The following CDYL variants were observed in gnomAD, a reference collection of about 807,000 sequenced individuals.
The protein encoded by CDYL is chromodomain Y-like protein.
Under a neutral mutation model 47.3 loss-of-function variants are expected in CDYL, and 8 were observed. The observed-to-expected ratio is 0.17, with a 90% CI of 0.10 to 0.31. The LOEUF (loss-of-function observed/expected upper bound fraction) is 0.31, where lower values mean the gene tolerates loss of function less well. CDYL is among the 10% of genes least tolerant of loss of function. The probability of loss-of-function intolerance (pLI) is 1.00; values close to 1 mark genes in which losing one functional copy is unlikely to be tolerated. For missense variants in CDYL, 471 were observed against 701.4 expected, an observed-to-expected ratio of 0.67 and a Z score of 3.71; for synonymous variants, 266 against 265.0, an observed-to-expected ratio of 1.00 and a Z score of -0.04.
rs112401463 is a variant in CDYL at position 4,844,079 on chromosome 6, G to A, written c.25-47634G>A. On this transcript the variant is annotated intron_variant, in intron 1 of 6. Transcript: ENST00000397588. ...GATGTGGCTTTCTGAGAGCCAAACCGTGGTGATTGTTTTTTCTCTTCCGGA... is the reference window on the plus strand; with the variant it reads ...GATGTGGCTTTCTGAGAGCCAAACCATGGTGATTGTTTTTTCTCTTCCGGA... Among the ~76,000 whole-genome samples the A allele has an allele frequency of 9.8e-3, 1,485 of 152,220 alleles. 28 individuals are homozygous for A. The highest frequency in any genetic ancestry group is 0.033 in the African/African-American group (1,391 of 41,532).
intron 5 of CDYL, among the ~76,000 whole-genome samples, chr6:4,948,013 C>A (rs1758583056): frequency 6.6e-6 from 1 of 152,176 alleles, no homozygotes; most frequent in South Asian, 2.1e-4. Flanking sequence ...ACTGCACGCA[C>A]CTGACACCAC....
chr6:4,854,818 T>C (rs1561671725), intron 1 of CDYL, among the ~76,000 whole-genome samples: 1 of 152,088 alleles, frequency 6.6e-6, no homozygotes, highest in Admixed American at 6.5e-5. Flanking sequence ...ACACACCGAT[T>C]TAGGTTTGGC....
intron 1 of CDYL, among the ~76,000 whole-genome samples, chr6:4,836,463 G>A (rs998920979): frequency 8.6e-5 from 13 of 151,908 alleles, no homozygotes; most frequent in African/African-American, 1.7e-4. Context: ...TTGAGACTTC[G>A]GCTTTCCTTC....
At chr6:4,832,149 G>C (rs1448690584) in intron 1 of CDYL, among the ~76,000 whole-genome samples, 6 of 152,030 alleles carry the variant, frequency 3.9e-5, no homozygotes, top group African/African-American at 9.7e-5. Flanking sequence ...TCCCTGTCTT[G>C]TGCCAGTTTT....
At chr6:4,905,679 C>T (rs1055290020) in intron 2 of CDYL, among the ~76,000 whole-genome samples, 8 of 152,252 alleles carry the variant, frequency 5.3e-5, no homozygotes, top group Non-Finnish European at 1.2e-4. Context: ...CACTCGCCCC[C>T]AGCACTGGCT....
chr6:4,877,523 G>A (rs956399615), intron 1 of CDYL, among the ~76,000 whole-genome samples: 1 of 152,068 alleles, frequency 6.6e-6, no homozygotes, highest in Non-Finnish European at 1.5e-5. Flanking sequence ...GTAGTTTGTG[G>A]TTCACTTGGT....
chr6:4,848,573 C>T (rs1040678504), intron 1 of CDYL, among the ~76,000 whole-genome samples: 2 of 152,214 alleles, frequency 1.3e-5, no homozygotes, highest in East Asian at 1.9e-4. Flanking sequence ...AGAGAGTCTG[C>T]ACTGCATCAC....
chr6:4,825,891 C>G (rs1759969211), intron 1 of CDYL, among the ~76,000 whole-genome samples: 1 of 151,324 alleles, frequency 6.6e-6, no homozygotes, highest in African/African-American at 2.4e-5. Flanking sequence ...ACACATCTTC[C>G]TAGCTGAGAC....
At chr6:4,773,055 G>A (rs6927577), upstream of CDYL, 80,075 of 449,344 alleles carry the variant, frequency 0.18, 10,164 homozygotes, top group African/African-American at 0.46. This position sits in a 1 kb window ranked among gnomAD's most constrained non-coding sequence, Gnocchi z 4.6. Flanking sequence ...GAGATGGGAA[G>A]AGGCTGTGAT....
At chr6:4,871,691 TTTA>T (rs1269206706) in intron 1 of CDYL, among the ~76,000 whole-genome samples, 2 of 152,084 alleles carry the variant, frequency 1.3e-5, no homozygotes. Context: ...TTTTGTAAAA[TTTA>T]TATTTGGCCG....
chr6:4,952,186 C>A (rs527501763), intron 5 of CDYL, 80 bp from the exon 6 acceptor site: 2 of 1,486,166 alleles, frequency 1.3e-6, no homozygotes, highest in South Asian at 1.3e-5. Context: ...TGTTTCCCTT[C>A]GGTGTGGATT....
At chr6:4,724,127 A>AC (rs1367871778) in intron 2 of CDYL, among the ~76,000 whole-genome samples, 2 of 151,660 alleles carry the variant, frequency 1.3e-5, no homozygotes, top group African/African-American at 2.4e-5. Context: ...TATAACCTTG[A>AC]CCTCCTGGGT....
rs988107648 is a variant in CDYL, at chr6:4,825,216, G to A, written c.24+48409G>A. Among the ~76,000 whole-genome samples, 5 of 152,182 alleles carry A rather than the reference G, an allele frequency of 3.3e-5. No individual in the cohort carries two copies. In the South Asian group the frequency reaches 1.0e-3, roughly 32 times the overall value. Reference sequence around the variant, plus strand: ...GCCTTGCATGAACCTATCACTTTTGGTTAGCATGCATTGCTAGTATATAGA... The same window carrying A: ...GCCTTGCATGAACCTATCACTTTTGATTAGCATGCATTGCTAGTATATAGA... On this transcript the variant is annotated intron_variant, in intron 1 of 6. Transcript: ENST00000397588.
intron 1 of CDYL, among the ~76,000 whole-genome samples, chr6:4,883,939 A>G (rs1761830839): frequency 6.6e-6 from 1 of 152,146 alleles, no homozygotes; most frequent in African/African-American, 2.4e-5. Context: ...ACTCTCCAAA[A>G]TGAGTCTACC....
intron 1 of CDYL, among the ~76,000 whole-genome samples, chr6:4,778,780 C>A (rs9504250): frequency 0.02 from 3,066 of 152,252 alleles, 62 homozygotes; most frequent in African/African-American, 0.049. Context: ...TGTAACTTTT[C>A]TTTTACTTGT....
chr6:4,725,613 C>T (rs1757497376), intron 2 of CDYL, among the ~76,000 whole-genome samples: 1 of 152,344 alleles, frequency 6.6e-6, no homozygotes, highest in East Asian at 1.9e-4. Context: ...ACCTGCCCGC[C>T]GAGCCCACGC....
chr6:4,822,072 G>A (rs551254045), intron 1 of CDYL, among the ~76,000 whole-genome samples: 94 of 152,140 alleles, frequency 6.2e-4, no homozygotes, highest in Non-Finnish European at 1.0e-3. Flanking sequence ...GGGCTCAAAC[G>A]ATCCTCCCAA....
At chr6:4,828,273 T>A (rs1462601586) in intron 1 of CDYL, among the ~76,000 whole-genome samples, 2 of 94,056 alleles carry the variant, frequency 2.1e-5, no homozygotes, top group Non-Finnish European at 4.2e-5. Flanking sequence ...TTTTTTTTTT[T>A]AAGAGATTGG....
chr6:4,783,816 G>C (rs1758682053), intron 1 of CDYL, among the ~76,000 whole-genome samples: 1 of 152,086 alleles, frequency 6.6e-6, no homozygotes, highest in African/African-American at 2.4e-5. Context: ...GTTTCCTCTT[G>C]TTTAATACGA....
Sources: allele counts gnomAD v4.1 joint callset (sites outside exome capture counted in the v4.1 genomes callset), GRCh38; gene constraint gnomAD v4.1.1; non-coding constraint Gnocchi (gnomAD v3.1); transcripts MANE v1.5; gene names NCBI Gene and HGNC (gene_info 2026-07-23, HGNC 2026-07-21).